ELAVL1: variants seen among roughly 807,000 people sequenced by gnomAD.
ELAVL1 encodes the protein ELAV like RNA binding protein 1.
In ELAVL1, 1 loss-of-function variant was observed where a neutral mutation model predicts 28.4. The ratio of observed to expected loss-of-function variants is 0.04; its 90% CI spans 0.01 to 0.17. ELAVL1 has a LOEUF of 0.17. Among genes scored for constraint, ELAVL1 ranks in the 10% least tolerant of loss-of-function variants. ELAVL1 has a pLI of 1.00. For missense variants in ELAVL1, 157 were observed against 447.2 expected, an observed-to-expected ratio of 0.35 and a Z score of 5.85; for synonymous variants, 174 against 183.5, an observed-to-expected ratio of 0.95 and a Z score of 0.42.
chr19:7,992,241 C>T (rs1312050486), intron 1 of ELAVL1, among the ~76,000 whole-genome samples: 1 of 152,082 alleles, frequency 6.6e-6, no homozygotes, highest in African/African-American at 2.4e-5. Context: ...GCACCTGGCC[C>T]TGCACTTAGA....
chr19:7,964,440 G>A (rs987613766), intron 5 of ELAVL1, among the ~76,000 whole-genome samples: 10 of 152,028 alleles, frequency 6.6e-5, no homozygotes, highest in African/African-American at 2.4e-4. Flanking sequence ...AGAACTCAAG[G>A]GACAGGGAAG....
At chr19:7,984,877 T>C (rs1985559084) in intron 2 of ELAVL1, among the ~76,000 whole-genome samples, 2 of 152,194 alleles carry the variant, frequency 1.3e-5, no homozygotes, top group Admixed American at 6.5e-5. Context: ...AAGCCACCAC[T>C]GACTGCCCAG....
At position 7,981,326 on chromosome 19, in the gene ELAVL1, C is replaced by A; in HGVS notation, c.173-140G>T. 1 of 663,010 alleles carries A rather than the reference C, an allele frequency of 1.5e-6. No homozygotes were observed. The highest frequency in any genetic ancestry group is 2.9e-5 in the East Asian group (1 of 35,016). 41.1% of individuals were successfully genotyped at this position (663,010 alleles called of 1,614,324 possible). On this transcript the variant is annotated intron_variant, in intron 2 of 5. Coordinates refer to ENST00000407627, the MANE Select transcript of ELAVL1 (RefSeq NM_001419.3). This position sits in a 1 kb window ranked among gnomAD's most constrained non-coding sequence, Gnocchi z 4.2. ...CAAACTTTATTTTCTTTGGCAAACA[C>A]GTACATTTTCTGCAATGAACACAGG...
In ELAVL1 at chr19:7,980,771, G is replaced by A. The variant is rs565713648; in HGVS notation, c.276+312C>T. 7.2e-5 allele frequency among the ~76,000 whole-genome samples: 11 copies of A among 152,326 alleles called. No individual in the cohort carries two copies. The East Asian group carries it at 1.3e-3, about 19-fold the overall frequency. On this transcript the variant is annotated intron_variant, in intron 3 of 5. Coordinates refer to ENST00000407627, the MANE Select transcript of ELAVL1 (RefSeq NM_001419.3). ...AGGGTTACAACTGGCCCCAAGGAGC[G>A]CAGAGGGAGCACTGGGCAGGCTGGG...
intron 3 of ELAVL1, among the ~76,000 whole-genome samples, chr19:7,974,139 A>G (rs1464440020): frequency 6.6e-6 from 1 of 152,236 alleles, no homozygotes; most frequent in East Asian, 1.9e-4. Context: ...CCTATGTCAC[A>G]AAGCCCAGCA....
At chr19:7,966,062 G>A (rs1450374125) in intron 5 of ELAVL1, among the ~76,000 whole-genome samples, 3 of 152,146 alleles carry the variant, frequency 2.0e-5, no homozygotes, top group African/African-American at 4.8e-5. Flanking sequence ...CGATGGGGCC[G>A]GGCTCACGCC....
rs532585126 is a variant in ELAVL1 at position 7,975,647 on chromosome 19, G to GT, written c.277-1770dup. ...TTCATCCAGTGAGGGGTTCAATCGTGTTCCCCCCACCCCACAATCCAAATT... is the reference window on the plus strand; with the variant it reads ...TTCATCCAGTGAGGGGTTCAATCGTGTTTCCCCCCACCCCACAATCCAAATT... On this transcript the variant is annotated intron_variant, in intron 3 of 5. Transcript: ENST00000407627. 3.1e-3 allele frequency among the ~76,000 whole-genome samples: 468 copies of GT among 152,276 alleles called. 2 individuals are homozygous for GT. The highest frequency in any genetic ancestry group is 5.3e-3 in the Non-Finnish European group (361 of 68,024).
intron 1 of ELAVL1, chr19:8,002,034 T>G: frequency 7.8e-7 from 1 of 1,289,286 alleles, no homozygotes. Flanking sequence ...AACTGCTCAG[T>G]AGCCACCCCT....
intron 1 of ELAVL1, among the ~76,000 whole-genome samples, chr19:7,997,776 C>CAA (rs368869624): frequency 1.6e-5 from 2 of 125,784 alleles, no homozygotes; most frequent in Non-Finnish European, 3.4e-5. Flanking sequence ...GCCATCATTA[C>CAA]AAAAAAAAAA....
At chr19:8,000,269 C>T (rs1415889524) in intron 1 of ELAVL1, among the ~76,000 whole-genome samples, 1 of 152,168 alleles carries the variant, frequency 6.6e-6, no homozygotes, top group Non-Finnish European at 1.5e-5. Flanking sequence ...GTTTTTGACT[C>T]CAATGCACTA....
chr19:7,991,905 A>T, intron 1 of ELAVL1, 74 bp from the exon 2 acceptor site: 5 of 1,129,610 alleles, frequency 4.4e-6, no homozygotes, highest in Non-Finnish European at 3.6e-6. Flanking sequence ...TAGTAACTGC[A>T]TTTGCACTTA....
chr19:8,002,419 G>T (rs1568318633), intron 1 of ELAVL1, among the ~76,000 whole-genome samples: 1 of 152,120 alleles, frequency 6.6e-6, no homozygotes, highest in African/African-American at 2.4e-5. Context: ...CCAGAGCCTA[G>T]CGGGGGCCCA....
chr19:7,976,839 CA>C (rs1985308863), intron 3 of ELAVL1, among the ~76,000 whole-genome samples: 1 of 145,684 alleles, frequency 6.9e-6, no homozygotes, highest in Middle Eastern at 3.5e-3. Flanking sequence ...TGACACGCTA[CA>C]TTTTTTTTTT....
Position 7,981,019 on chromosome 19 carries a change from C to T in ELAVL1, c.276+64G>A, listed in dbSNP as rs1234108448. 6 of 1,523,652 alleles carry T rather than the reference C, an allele frequency of 3.9e-6. No homozygotes were observed. The highest frequency in any genetic ancestry group is 2.3e-5 in the East Asian group (1 of 44,366). 94.4% of individuals were successfully genotyped at this position (1,523,652 alleles called of 1,614,324 possible). A position where few individuals can be genotyped will look rare whatever the true frequency, so the allele number is the denominator to read the frequency against. ...CTTGGAGAGTGACTGTGAGGCTGGG[C>T]GGGGCTCAGCACAGACCTGTGCCCA... is the stretch of plus-strand genomic sequence containing the variant. On this transcript the variant is annotated intron_variant, in intron 3 of 5. Transcript: ENST00000407627. The surrounding 1 kb of genome is among the most constrained non-coding windows in gnomAD (Gnocchi z 4.2).
rs144550553 is a variant in ELAVL1 at position 7,984,661 on chromosome 19, G to C, written c.173-3475C>G. The stretch of plus-strand genomic sequence containing the variant: ...CTGATCTCCCTACAGGCTGAGCCTT[G>C]TGAGTCAAGGCCTGGCTTCATCCCC... On this transcript the variant is annotated intron_variant, in intron 2 of 5. Coordinates refer to ENST00000407627, the MANE Select transcript of ELAVL1 (RefSeq NM_001419.3). 5.7e-4 allele frequency among the ~76,000 whole-genome samples: 87 copies of C among 152,310 alleles called. 1 individual carries two copies. The highest frequency in any genetic ancestry group is 1.9e-3 in the African/African-American group (81 of 41,566).
At chr19:7,971,676 C>T (rs998726300) in intron 4 of ELAVL1, among the ~76,000 whole-genome samples, 5 of 152,232 alleles carry the variant, frequency 3.3e-5, no homozygotes, top group Admixed American at 6.5e-5. Flanking sequence ...CCCTGTCCTT[C>T]GGCACTGCCC....
rs541544179 is a variant in ELAVL1 at position 8,003,705 on chromosome 19, A to G, written c.-17+1790T>C. On this transcript the variant is annotated intron_variant, in intron 1 of 5. Coordinates refer to ENST00000407627, the MANE Select transcript of ELAVL1 (RefSeq NM_001419.3). ...AGACTCCGTCTCAAAAAAAAAAAAA[A>G]AAAAGAAATAGCACCATGATCTCAG... 1.9e-4 allele frequency among the ~76,000 whole-genome samples: 29 copies of G among 152,000 alleles called. No homozygotes were observed. The South Asian group carries it at 4.4e-3, about 23-fold the overall frequency.
chr19:7,966,386 A>T (rs1440068071), intron 5 of ELAVL1, among the ~76,000 whole-genome samples: 1 of 151,870 alleles, frequency 6.6e-6, no homozygotes, highest in Non-Finnish European at 1.5e-5. Flanking sequence ...AGCCAGAACC[A>T]TTTTCAGGAT....
rs115084816 is a variant in ELAVL1, at chr19:7,987,723, C to T, written c.172+3921G>A. 1.8e-3 allele frequency among the ~76,000 whole-genome samples: 267 copies of T among 152,304 alleles called. 2 individuals carry two copies. The highest frequency in any genetic ancestry group is 6.2e-3 in the African/African-American group (257 of 41,566). ...ATTCCTTCCTTCACTCTGCAAACACCGACTGGCTATGTCTAGGGCTACGGA... is the reference window on the plus strand; with the variant it reads ...ATTCCTTCCTTCACTCTGCAAACACTGACTGGCTATGTCTAGGGCTACGGA... On this transcript the variant is annotated intron_variant, in intron 2 of 5. Coordinates refer to ENST00000407627, the MANE Select transcript of ELAVL1 (RefSeq NM_001419.3).
Sources: gnomAD v4.1 joint callset for allele counts (sites outside exome capture counted in the v4.1 genomes callset) on GRCh38, gnomAD v4.1.1 for gene constraint, Gnocchi (gnomAD v3.1) non-coding constraint, MANE v1.5 for transcripts, NCBI Gene and HGNC (gene_info 2026-07-23, HGNC 2026-07-21) for gene names.